The following LPIN3 variants were observed in gnomAD, a reference collection of about 807,000 sequenced individuals.
LPIN3 encodes phosphatidate phosphatase LPIN3.
In LPIN3, 82 loss-of-function variants were observed where a neutral mutation model predicts 94.7. The ratio of observed to expected loss-of-function variants is 0.87; its 90% CI spans 0.72 to 1.04. The LOEUF (loss-of-function observed/expected upper bound fraction) is 1.04. Among genes scored for constraint, LPIN3 ranks in the 50% least tolerant of loss-of-function variants. The pLI is 0.00. For missense variants in LPIN3, 996 were observed against 1,090.5 expected (o/e 0.91, Z 1.22); for synonymous variants, 418 against 443.3 (o/e 0.94, Z 0.72).
chr20:41,354,000 C>G (rs997457236), intron 11 of LPIN3, among the ~76,000 whole-genome samples: 1 of 152,184 alleles, frequency 6.6e-6, no homozygotes, highest in African/African-American at 2.4e-5. Flanking sequence ...CAAGGGGGCC[C>G]CCTGGCTATT....
intron 11 of LPIN3, 66 bp from the exon 12 acceptor site, chr20:41,354,579 G>A (rs2046140698): frequency 7.5e-6 from 11 of 1,467,490 alleles, no homozygotes; most frequent in Non-Finnish European, 1.0e-5. Flanking sequence ...AGGGTCCCAA[G>A]AACAACGTAA....
chr20:41,355,801 C>A, intron 13 of LPIN3, 95 bp from the exon 14 acceptor site: 1 of 1,496,626 alleles, frequency 6.7e-7, no homozygotes, highest in Non-Finnish European at 9.1e-7. Flanking sequence ...TAGGCCCTGG[C>A]ATGGCGGGGA....
Position 41,344,084 on chromosome 20 carries a change from GAAAAGA to G in LPIN3, c.-8-1707_-8-1702del, listed in dbSNP as rs1201242657. On this transcript the variant is annotated intron_variant, in intron 1 of 19. Transcript: ENST00000373257. ...CTCAAAAAAAAAAAAGAAAAGAAAAGAAAAGAAAAATATGCAGATGCTGATTCAGTA... is the reference window on the plus strand; with the variant it reads ...CTCAAAAAAAAAAAAGAAAAGAAAAGAAAATATGCAGATGCTGATTCAGTA... Among the ~76,000 whole-genome samples, 5 of 151,926 alleles carry G rather than the reference GAAAAGA, an allele frequency of 3.3e-5. No homozygotes were observed. The East Asian group carries it at 7.7e-4, about 23-fold the overall frequency.
At chr20:41,352,521 A>G in intron 9 of LPIN3, 85 bp from the exon 10 acceptor site, 2 of 1,217,500 alleles carry the variant, frequency 1.6e-6, no homozygotes, top group Non-Finnish European at 2.4e-6. Flanking sequence ...GGAGGTGAGC[A>G]GCAGAGTGGG....
rs781237884 is a variant in LPIN3, at chr20:41,348,861, G to A, written c.531G>A (p.Pro177=). The change falls in exon 4 of 20, where the codon CCG becomes CCA. Residue 177 remains proline (P), a synonymous_variant. Transcript: ENST00000373257. ...EAGAESELSL[P]EKLRPEPPGV... ...GCGCTGAGAGTGAGCTATCCCTGCC[G>A]GAAAAGCTGAGGCCAGAGCCCCCAG... 20 of 1,606,324 alleles carry A rather than the reference G, an allele frequency of 1.2e-5. No individual in the cohort carries two copies. Among genetic ancestry groups the A allele is most frequent in the African/African-American group, 2.7e-5 (2 of 74,794 alleles).
intron 16 of LPIN3, 30 bp downstream of exon 16, chr20:41,357,477 G>A (rs1280040729): frequency 6.3e-7 from 1 of 1,575,382 alleles, no homozygotes; most frequent in East Asian, 2.2e-5. Flanking sequence ...CTGGGGCTGA[G>A]GCGAGGCCCC....
chr20:41,345,880 C>T lies in LPIN3; in HGVS notation c.77C>T (p.Thr26Ile). Residue 26 changes from threonine (T) to isoleucine (I), a missense_variant, in exon 2 of 20, where the codon ACA becomes ATA. Thr to Ile is a moderately conservative substitution (Grantham distance 89). Coordinates refer to ENST00000373257, the MANE Select transcript of LPIN3 (RefSeq NM_022896.3). ...CTGTACCGGGGCCTGAACCCAGCCA[C>T]ACTGAGCGGCGGCATTGACGTGCTG... is the stretch of plus-strand genomic sequence containing the variant. ...KELYRGLNPATLSGGIDVLVV... is the reference protein window; with the variant it reads ...KELYRGLNPAILSGGIDVLVV... 1 of 1,614,236 alleles carries T rather than the reference C, an allele frequency of 6.2e-7. No homozygotes were observed. Among genetic ancestry groups the T allele is most frequent in the Non-Finnish European group, 8.5e-7 (1 of 1,180,058 alleles).
chr20:41,357,367 T>C lies in LPIN3; in HGVS notation c.1959T>C (p.Asp653=), dbSNP rs372810310. ...SDIDGTITKS[D]ALGHILPQLG... is the part of the protein sequence containing the mutation. ...CCTTCCTCTCTCACTCTAGGTCAGA[T>C]GCTCTGGGCCATATCCTGCCCCAGC... Residue 653 remains aspartate, a synonymous_variant, in exon 16 of 20, where the codon GAT becomes GAC. Transcript: ENST00000373257. 29 of 1,613,848 alleles carry C rather than the reference T, an allele frequency of 1.8e-5. No individual in the cohort carries two copies. Among genetic ancestry groups the C allele is most frequent in the Non-Finnish European group, 4.2e-6 (5 of 1,179,920 alleles).
Position 41,352,230 on chromosome 20 carries a change from A to G in LPIN3, c.1363+10A>G, listed in dbSNP as rs1276332053. 6.2e-7 allele frequency: 1 copy of G among 1,613,742 alleles called. No individual in the cohort carries two copies. The highest frequency in any genetic ancestry group is 1.3e-5 in the African/African-American group (1 of 74,908). ...CGGGACATCTCCCTAGGTATGTTCG[A>G]CCATGGCCAAGCCCTTTTGAGGGCT... On this transcript the variant is annotated intron_variant, in intron 9 of 19. Coordinates refer to ENST00000373257, the MANE Select transcript of LPIN3 (RefSeq NM_022896.3).
intron 1 of LPIN3, among the ~76,000 whole-genome samples, chr20:41,341,768 TC>T (rs1195588812): frequency 6.6e-6 from 1 of 152,028 alleles, no homozygotes; most frequent in Non-Finnish European, 1.5e-5. Flanking sequence ...GATCATGAGG[TC>T]AGGAGATCGA....
chr20:41,350,403 T>G lies in LPIN3; in HGVS notation c.1102+6T>G. The G allele has an allele frequency of 6.5e-7, 1 of 1,549,512 alleles. No individual in the cohort carries two copies. Among genetic ancestry groups the G allele is most frequent in the South Asian group, 1.2e-5 (1 of 81,652 alleles). On this transcript the variant is annotated splice_donor_region_variant and intron_variant, in intron 7 of 19. Transcript: ENST00000373257. ...GAGGGTCTCCAGGGGGAAAGGTGAG[T>G]GACGCTGGGTCTCTCCCACTGCCTC... is the stretch of plus-strand genomic sequence containing the variant.
At chr20:41,349,697 A>AT (rs1302103972) in intron 5 of LPIN3, 77 bp from the exon 6 acceptor site, 1 of 1,527,818 alleles carries the variant, frequency 6.5e-7, no homozygotes, top group South Asian at 1.3e-5. Flanking sequence ...GGTTGCACAT[A>AT]TTTTTTTCCC....
At chr20:41,354,616 A>G (rs2046142449) in intron 11 of LPIN3, 29 bp from the exon 12 acceptor site, 1 of 1,541,154 alleles carries the variant, frequency 6.5e-7, no homozygotes, top group Non-Finnish European at 8.8e-7. Context: ...GGTGCAGGAA[A>G]CACTGCCATG....
rs1432551279 is a variant in LPIN3 at position 41,350,128 on chromosome 20, G to T, written c.833G>T (p.Gly278Val). 1.9e-6 allele frequency: 3 copies of T among 1,612,630 alleles called. No individual in the cohort carries two copies. In the South Asian group the frequency reaches 3.3e-5, roughly 18 times the overall value. The change falls in exon 7 of 20, where the codon GGA (glycine) becomes GTA (valine). Residue 278 changes from glycine to valine, a missense_variant. Transcript: ENST00000373257. Reference protein sequence around the residue: ...GRAGATSPPRGGPSTPSTSVA... With the variant: ...GRAGATSPPRVGPSTPSTSVA... ...GCTGGGGCAACCTCTCCTCCTCGGG[G>T]AGGACCCAGCACTCCCTCTACCTCT...
Position 41,349,126 on chromosome 20 carries a change from AAAGACATCTACCCCTACTCGG to A in LPIN3, c.594_614del (p.Lys198_Asp205delinsAsn). On this transcript the variant is annotated inframe_deletion, in exon 5 of 20. Coordinates refer to ENST00000373257, the MANE Select transcript of LPIN3 (RefSeq NM_022896.3). ...GGAAGAGAAGTCTTCACTGCAGCCC[AAAGACATCTACCCCTACTCGG>A]ATGGCGAGTGGCCCCCCCAGGCCAG... is the stretch of plus-strand genomic sequence containing the variant. 6.2e-7 allele frequency: 1 copy of A among 1,614,170 alleles called. No homozygotes were observed.
Position 41,348,884 on chromosome 20 carries a change from C to T in LPIN3, c.554C>T (p.Pro185Leu). Residue 185 changes from proline to leucine, a missense_variant, in exon 4 of 20, where the codon CCA becomes CTA. Pro to Leu is a moderately conservative substitution (Grantham distance 98). Coordinates refer to ENST00000373257, the MANE Select transcript of LPIN3 (RefSeq NM_022896.3). ...SLPEKLRPEP[P>L]GVQLEEKSSL... ...CCGGAAAAGCTGAGGCCAGAGCCCC[C>T]AGGGTGTGTAAGGACCAAGGGACTT... 1 of 1,602,968 alleles carries T rather than the reference C, an allele frequency of 6.2e-7. No individual in the cohort carries two copies. The highest frequency in any genetic ancestry group is 8.5e-7 in the Non-Finnish European group (1 of 1,174,502).
rs1057494928 is a variant in LPIN3 at position 41,347,653 on chromosome 20, T to C, written c.288+6T>C. On this transcript the variant is annotated splice_donor_region_variant and intron_variant, in intron 3 of 19. Coordinates refer to ENST00000373257, the MANE Select transcript of LPIN3 (RefSeq NM_022896.3). The stretch of plus-strand genomic sequence containing the variant: ...AGGAGCTGGAGAGCGATGATGTGAG[T>C]CTGCCCTCCTAACAGCACCTGCCCC... 5.0e-6 allele frequency: 8 copies of C among 1,610,982 alleles called. No individual in the cohort carries two copies. Among genetic ancestry groups the C allele is most frequent in the Non-Finnish European group, 6.8e-6 (8 of 1,178,230 alleles).
In LPIN3 at chr20:41,341,013, A is replaced by C. The variant is rs539869409; in HGVS notation, c.-9+11A>C. ...TGGGCAGCTCCCCAGGTAGGGCCCAACTCGGGGGGAGAAGAGATGACCCTC... is the reference window on the plus strand; with the variant it reads ...TGGGCAGCTCCCCAGGTAGGGCCCACCTCGGGGGGAGAAGAGATGACCCTC... On this transcript the variant is annotated intron_variant, in intron 1 of 19. Coordinates refer to ENST00000373257, the MANE Select transcript of LPIN3 (RefSeq NM_022896.3). 1.2e-3 allele frequency: 184 copies of C among 152,188 alleles called. No homozygotes were observed. The highest frequency in any genetic ancestry group is 1.6e-3 in the Non-Finnish European group (112 of 68,116). 9.4% of individuals were successfully genotyped at this position (152,188 alleles called of 1,614,324 possible).
At chr20:41,355,431 C>T (rs1365074762) in intron 13 of LPIN3, among the ~76,000 whole-genome samples, 1 of 152,224 alleles carries the variant, frequency 6.6e-6, no homozygotes, top group Non-Finnish European at 1.5e-5. Context: ...GGTCCTCAGG[C>T]TCCTGCCCCA....
Sources: gnomAD v4.1 joint callset for allele counts (sites outside exome capture counted in the v4.1 genomes callset) on GRCh38, gnomAD v4.1.1 for gene constraint, MANE v1.5 for transcripts, NCBI Gene and HGNC (gene_info 2026-07-23, HGNC 2026-07-21) for gene names.